CUBN: variants seen among roughly 807,000 people sequenced by gnomAD.
CUBN encodes 460 kDa receptor.
In CUBN, 282 loss-of-function variants were observed where a neutral mutation model predicts 405.3. The ratio of observed to expected loss-of-function variants is 0.70; its 90% CI spans 0.63 to 0.77. The LOEUF (loss-of-function observed/expected upper bound fraction) is 0.77. Ranked by LOEUF, CUBN falls within the 30% of genes least tolerant of loss-of-function variation. The probability of loss-of-function intolerance (pLI) is 0.00; values close to 1 mark genes in which losing one functional copy is unlikely to be tolerated. For synonymous variants in CUBN, 1,684 were observed against 1,617.0 expected, an observed-to-expected ratio of 1.04 and a Z score of -0.99; for missense variants, 4,514 against 4,475.2, an observed-to-expected ratio of 1.01 and a Z score of -0.25.
intron 48 of CUBN, among the ~76,000 whole-genome samples, chr10:16,909,881 A>G (rs981066991): frequency 6.6e-5 from 10 of 152,226 alleles, no homozygotes; most frequent in African/African-American, 2.4e-4. Flanking sequence ...TGGGTGGCAT[A>G]GCTTTTTATT....
intron 31 of CUBN, among the ~76,000 whole-genome samples, chr10:16,982,187 C>T (rs1034274054): frequency 6.6e-6 from 1 of 152,090 alleles, no homozygotes; most frequent in Non-Finnish European, 1.5e-5. Flanking sequence ...GTAGGACATT[C>T]AGATAAAAAC....
At position 17,129,336 on chromosome 10, in the gene CUBN, A is replaced by G. The variant is rs1250277612; in HGVS notation, c.123-86T>C. The G allele has an allele frequency of 8.3e-6, 12 of 1,447,502 alleles. No homozygotes were observed. The Admixed American group carries it at 1.9e-4, about 23-fold the overall frequency. 89.7% of individuals were successfully genotyped at this position (1,447,502 alleles called of 1,614,324 possible). A position where few individuals can be genotyped will look rare whatever the true frequency, so the allele number is the denominator to read the frequency against. ...TAACAAAGTTTCTTACTGAATAACT[A>G]CAGGCCAAATACATCTTCACTTTTT... is the stretch of plus-strand genomic sequence containing the variant. On this transcript the variant is annotated intron_variant, in intron 1 of 66. Coordinates refer to ENST00000377833, the MANE Select transcript of CUBN (RefSeq NM_001081.4).
chr10:16,860,978 A>G (rs1839995889), intron 59 of CUBN, among the ~76,000 whole-genome samples: 1 of 152,172 alleles, frequency 6.6e-6, no homozygotes, highest in African/African-American at 2.4e-5. Context: ...CTCTTTGCAC[A>G]TGATACAGAG....
At chr10:17,120,742 G>A (rs2277209) in intron 6 of CUBN, among the ~76,000 whole-genome samples, 139,099 of 152,254 alleles carry the variant, frequency 0.91, 63,755 homozygotes, top group Non-Finnish European at 0.95. Context: ...GCAGGGGGAA[G>A]AAATAACGTG....
chr10:17,116,416 T>G (rs983007995), intron 6 of CUBN, among the ~76,000 whole-genome samples: 1 of 152,170 alleles, frequency 6.6e-6, no homozygotes, highest in Non-Finnish European at 1.5e-5. Context: ...TATCCCCACA[T>G]GCCAGGGCAC....
intron 10 of CUBN, 138 bp from the exon 11 acceptor site, chr10:17,105,713 G>C (rs1053124375): frequency 3.0e-6 from 2 of 662,192 alleles, no homozygotes; most frequent in African/African-American, 1.8e-5. Flanking sequence ...GACAAAACAA[G>C]GTATGAGGAG....
chr10:17,018,020 G>A (rs1416372806), intron 28 of CUBN, among the ~76,000 whole-genome samples: 3 of 152,092 alleles, frequency 2.0e-5, no homozygotes, highest in Non-Finnish European at 4.4e-5. Flanking sequence ...TTTCCTCTCT[G>A]TCAACCCTCA....
chr10:17,109,791 A>G, intron 9 of CUBN, 56 bp from the exon 10 acceptor site: 3 of 1,369,666 alleles, frequency 2.2e-6, no homozygotes, highest in Non-Finnish European at 3.1e-6. Flanking sequence ...TGGGAGGACA[A>G]AGCCTGTCTA....
chr10:17,065,667 G>A, intron 21 of CUBN, 29 bp from the exon 22 acceptor site: 2 of 1,612,036 alleles, frequency 1.2e-6, no homozygotes, highest in Non-Finnish European at 1.7e-6. Flanking sequence ...GGACAGATGT[G>A]TGTATTTTAG....
In CUBN at chr10:16,824,777, C is replaced by T. The variant is rs1588560022; in HGVS notation, c.*198G>A. The T allele has an allele frequency of 8.9e-6, 5 of 559,434 alleles. No individual in the cohort carries two copies. The highest frequency in any genetic ancestry group is 5.6e-5 in the African/African-American group (3 of 53,668). 34.7% of individuals were successfully genotyped at this position (559,434 alleles called of 1,614,324 possible). Reference sequence around the variant, plus strand: ...TCAGGTGATCAACCTGCCTCGGCCTCCCAAAGTGCTGAGAATACAGGGGGG... The same window carrying T: ...TCAGGTGATCAACCTGCCTCGGCCTTCCAAAGTGCTGAGAATACAGGGGGG... On this transcript the variant is annotated 3_prime_UTR_variant, in exon 67 of 67. Coordinates refer to ENST00000377833, the MANE Select transcript of CUBN (RefSeq NM_001081.4).
chr10:16,858,001 T>A (rs1839908612), intron 59 of CUBN, among the ~76,000 whole-genome samples: 1 of 152,160 alleles, frequency 6.6e-6, no homozygotes, highest in Admixed American at 6.5e-5. Flanking sequence ...ATCAATCAAA[T>A]TTTAATATAC....
At chr10:17,033,148 C>G (rs528739493) in intron 27 of CUBN, among the ~76,000 whole-genome samples, 71 of 152,290 alleles carry the variant, frequency 4.7e-4, no homozygotes, top group Middle Eastern at 3.4e-3. Context: ...TCCAGGAGGT[C>G]TCTGAAACTC....
intron 43 of CUBN, among the ~76,000 whole-genome samples, chr10:16,924,174 G>C (rs1167262500): frequency 2.6e-5 from 4 of 152,200 alleles, no homozygotes; most frequent in Non-Finnish European, 4.4e-5. Flanking sequence ...TCAGGACACT[G>C]CTACTCTTGA....
intron 16 of CUBN, among the ~76,000 whole-genome samples, chr10:17,084,888 A>G (rs778879101): frequency 2.6e-5 from 4 of 152,208 alleles, no homozygotes; most frequent in Non-Finnish European, 5.9e-5. Flanking sequence ...ACGGAAAACA[A>G]TTGAAAGGGG....
intron 60 of CUBN, among the ~76,000 whole-genome samples, chr10:16,842,067 T>C (rs933729359): frequency 1.2e-4 from 18 of 146,240 alleles, no homozygotes; most frequent in Middle Eastern, 3.4e-3. Flanking sequence ...TTTTTTGAAA[T>C]AAGGTCTCAC....
chr10:17,111,045 G>T lies in CUBN; in HGVS notation c.889C>A (p.Gln297Lys). 2.5e-6 allele frequency: 4 copies of T among 1,614,016 alleles called. No individual in the cohort carries two copies. Among genetic ancestry groups the T allele is most frequent in the Non-Finnish European group, 2.5e-6 (3 of 1,179,988 alleles). Residue 297 changes from glutamine (Q) to lysine (K), a missense_variant, in exon 9 of 67, where the codon CAA (glutamine) becomes AAA (lysine). Coordinates refer to ENST00000377833, the MANE Select transcript of CUBN (RefSeq NM_001081.4). The stretch of plus-strand genomic sequence containing the variant: ...TCTTCGCAAATATATCCATTGCCTT[G>T]CCAGCCTAGGAAAACAAGAGGATTT... ...FYCGACPTGW[Q>K]GNGYICEDIN... is the part of the protein sequence containing the mutation.
rs535915813 is a variant in CUBN, at chr10:16,999,226, G to T, written c.4169-8711C>A. On this transcript the variant is annotated intron_variant, in intron 28 of 66. Coordinates refer to ENST00000377833, the MANE Select transcript of CUBN (RefSeq NM_001081.4). ...CCATCTGACTATCTAAGATGGCCTA[G>T]ATCTAAATACTGATGTGTTTCCCTT... 2.6e-5 allele frequency among the ~76,000 whole-genome samples: 4 copies of T among 152,248 alleles called. No homozygotes were observed. The East Asian group carries it at 5.8e-4, about 22-fold the overall frequency.
At chr10:16,957,748 A>C (rs1268725144) in intron 31 of CUBN, among the ~76,000 whole-genome samples, 1 of 152,208 alleles carries the variant, frequency 6.6e-6, no homozygotes, top group Non-Finnish European at 1.5e-5. Context: ...AAAGGAAATT[A>C]AATAAGTATG....
At chr10:16,989,498 CTATA>C (rs1349616285) in intron 29 of CUBN, among the ~76,000 whole-genome samples, 1 of 146,846 alleles carries the variant, frequency 6.8e-6, no homozygotes, top group Non-Finnish European at 1.5e-5. Context: ...AATAATGTAA[CTATA>C]TAGTACGTTA....
Sources: gnomAD v4.1 joint callset for allele counts (sites outside exome capture counted in the v4.1 genomes callset) on GRCh38, gnomAD v4.1.1 for gene constraint, MANE v1.5 for transcripts, NCBI Gene and HGNC (gene_info 2026-07-23, HGNC 2026-07-21) for gene names.